Variants in CUX1 observed in about 807,000 individuals in gnomAD.
CUX1 encodes the protein protein CASP.
Under a neutral mutation model 158.8 loss-of-function variants are expected in CUX1, and 31 were observed. The ratio of observed to expected loss-of-function variants is 0.20; its 90% CI spans 0.15 to 0.26. The LOEUF is 0.26. Among genes scored for constraint, CUX1 ranks in the 10% least tolerant of loss-of-function variants. The pLI is 1.00. For missense variants in CUX1, 1,589 were observed against 2,014.6 expected, an observed-to-expected ratio of 0.79 and a Z score of 4.04; for synonymous variants, 879 against 862.1, an observed-to-expected ratio of 1.02 and a Z score of -0.34.
intron 8 of CUX1, among the ~76,000 whole-genome samples, chr7:102,130,669 A>G (rs1366193641): frequency 2.0e-5 from 3 of 152,164 alleles, no homozygotes; most frequent in Non-Finnish European, 4.4e-5. Flanking sequence ...CAACAGAGCA[A>G]GACTCCATCT....
intron 8 of CUX1, among the ~76,000 whole-genome samples, chr7:102,135,436 C>CA (rs1833792615): frequency 6.6e-6 from 1 of 151,876 alleles, no homozygotes; most frequent in South Asian, 2.1e-4. Context: ...TCTCGGGTGA[C>CA]AGCGGAGGAG....
At chr7:102,134,226 A>G (rs1833645200) in intron 8 of CUX1, among the ~76,000 whole-genome samples, 1 of 152,004 alleles carries the variant, frequency 6.6e-6, no homozygotes, top group Non-Finnish European at 1.5e-5. Flanking sequence ...AATCCCAGCT[A>G]CTCTGGTGGC....
At chr7:102,017,091 G>A (rs1346864778) in intron 2 of CUX1, among the ~76,000 whole-genome samples, 2 of 152,080 alleles carry the variant, frequency 1.3e-5, no homozygotes, top group Non-Finnish European at 2.9e-5. Context: ...ATCACCTGAG[G>A]TCAGGAGTTT....
chr7:102,051,640 G>A (rs953166669), intron 3 of CUX1, among the ~76,000 whole-genome samples: 8 of 138,436 alleles, frequency 5.8e-5, no homozygotes, highest in Admixed American at 4.9e-4. Context: ...GGGTGACAGA[G>A]CGAGACTCTG....
At chr7:102,049,088 C>T (rs1823178449) in intron 3 of CUX1, among the ~76,000 whole-genome samples, 1 of 152,070 alleles carries the variant, frequency 6.6e-6, no homozygotes, top group Non-Finnish European at 1.5e-5. Context: ...GCCTTGTCCC[C>T]TGCCTCTTTT....
intron 14 of CUX1, among the ~76,000 whole-genome samples, chr7:102,266,244 G>A (rs1171148214): frequency 6.6e-6 from 1 of 150,472 alleles, no homozygotes; most frequent in Non-Finnish European, 1.5e-5. Flanking sequence ...ACTTAAGACA[G>A]ATTCAGCATC....
chr7:102,121,109 G>C (rs1279813150), intron 8 of CUX1, among the ~76,000 whole-genome samples: 1 of 152,160 alleles, frequency 6.6e-6, no homozygotes, highest in African/African-American at 2.4e-5. Flanking sequence ...GAGGATACCA[G>C]CAGTTCAAGA....
intron 3 of CUX1, among the ~76,000 whole-genome samples, chr7:102,036,645 G>A (rs191132362): frequency 2.3e-4 from 35 of 152,142 alleles, no homozygotes; most frequent in African/African-American, 8.2e-4. Context: ...GAAAGGCTGA[G>A]GCAGGAGAAT....
chr7:101,826,470 G>A (rs745311570), intron 1 of CUX1, among the ~76,000 whole-genome samples: 1 of 152,056 alleles, frequency 6.6e-6, no homozygotes, highest in Non-Finnish European at 1.5e-5. Flanking sequence ...CTAAAGTACT[G>A]GGATTATAGA....
At position 102,210,289 on chromosome 7, in the gene CUX1, G is replaced by A. The variant is rs1343446206; in HGVS notation, c.3130+5119G>A. Among the ~76,000 whole-genome samples the A allele has an allele frequency of 1.2e-4, 18 of 152,108 alleles. 1 individual carries two copies. The highest frequency in any genetic ancestry group is 1.1e-3 in the Admixed American group (17 of 15,264). On this transcript the variant is annotated intron_variant, in intron 20 of 23. Coordinates refer to ENST00000292535, the MANE Select transcript of CUX1 (RefSeq NM_181552.4). ...TTTTTGTATTTTTAATAGAGATGGG[G>A]TTTCACCATGTTGGCCAGGCTAGTC...
intron 2 of CUX1, among the ~76,000 whole-genome samples, chr7:101,919,576 T>C (rs1173921875): frequency 6.6e-6 from 1 of 152,188 alleles, no homozygotes; most frequent in African/African-American, 2.4e-5. Context: ...GCTGGTGGTG[T>C]TCCTGCTGGT....
At chr7:102,279,760 C>A (rs1791913207) in intron 18 of CUX1, among the ~76,000 whole-genome samples, 1 of 152,226 alleles carries the variant, frequency 6.6e-6, no homozygotes. Flanking sequence ...CACCTTCCTG[C>A]AGCTGCGCCC....
At chr7:102,001,892 G>A (rs1816735103) in intron 2 of CUX1, among the ~76,000 whole-genome samples, 1 of 152,200 alleles carries the variant, frequency 6.6e-6, no homozygotes, top group African/African-American at 2.4e-5. Flanking sequence ...TTCCGCAAAG[G>A]TACTGAAATT....
At chr7:102,221,957 G>A (rs1273434533) in intron 20 of CUX1, among the ~76,000 whole-genome samples, 1 of 151,938 alleles carries the variant, frequency 6.6e-6, no homozygotes, top group African/African-American at 2.4e-5. Context: ...CAGAGTAGGT[G>A]CTTTAAAAAT....
chr7:102,179,025 C>T (rs59140055), intron 11 of CUX1, among the ~76,000 whole-genome samples: 9,898 of 152,086 alleles, frequency 0.065, 446 homozygotes, highest in African/African-American at 0.12. Context: ...TCACCATGCC[C>T]GGCTTATTTG....
chr7:102,074,969 G>T (rs1012820392), intron 4 of CUX1, among the ~76,000 whole-genome samples: 2 of 152,022 alleles, frequency 1.3e-5, no homozygotes, highest in African/African-American at 4.8e-5. Flanking sequence ...AGCGATTCTC[G>T]TGCCTCAGCC....
At chr7:101,956,527 G>A (rs1809803499) in intron 2 of CUX1, among the ~76,000 whole-genome samples, 1 of 152,152 alleles carries the variant, frequency 6.6e-6, no homozygotes, top group Non-Finnish European at 1.5e-5. Flanking sequence ...CTTCTTCAGG[G>A]GTAAACTGGT....
intron 2 of CUX1, among the ~76,000 whole-genome samples, chr7:102,021,746 A>G (rs1417215903): frequency 6.6e-6 from 1 of 150,590 alleles, no homozygotes; most frequent in Non-Finnish European, 1.5e-5. Flanking sequence ...TTGTTAGTAG[A>G]GATGGGGTTT....
intron 8 of CUX1, among the ~76,000 whole-genome samples, chr7:102,140,938 A>C (rs552670705): frequency 1.3e-5 from 2 of 151,682 alleles, no homozygotes; most frequent in African/African-American, 4.8e-5. Context: ...TTCTTGTTGC[A>C]ATTAACCTTT....
Sources: allele counts gnomAD v4.1 joint callset (sites outside exome capture counted in the v4.1 genomes callset), GRCh38; gene constraint gnomAD v4.1.1; transcripts MANE v1.5; gene names NCBI Gene and HGNC (gene_info 2026-07-23, HGNC 2026-07-21).